Variants in SH3GL3 observed in about 807,000 individuals in gnomAD.
SH3GL3 encodes SH3 domain containing GRB2 like 3, endophilin A3.
A neutral mutation model predicts 47.7 loss-of-function variants in SH3GL3; 33 were observed. The observed-to-expected ratio is 0.69, with a 90% confidence interval of 0.52 to 0.92. The LOEUF is 0.92. SH3GL3 is among the 40% of genes least tolerant of loss of function. SH3GL3 has a pLI of 0.00. For missense variants in SH3GL3, 363 were observed against 417.8 expected (o/e 0.87, Z 1.14); for synonymous variants, 155 against 148.8 (o/e 1.04, Z -0.30).
chr15:83,630,640 C>T, the SH3GL3 span, among the ~76,000 whole-genome samples: 1 of 152,070 alleles, frequency 6.6e-6, no homozygotes, highest in African/African-American at 2.4e-5. Context: ...CCTTATAAAA[C>T]CCCTTTAAAA....
intron 4 of SH3GL3, 103 bp from the exon 5 acceptor site, chr15:83,572,462 A>G (rs2151770151): frequency 2.1e-6 from 2 of 964,726 alleles, no homozygotes; most frequent in Non-Finnish European, 3.1e-6. Context: ...GGACCTTGCT[A>G]CACCATCATC....
intron 1 of SH3GL3, among the ~76,000 whole-genome samples, chr15:83,532,615 A>G (rs1030259608): frequency 7.2e-5 from 11 of 152,170 alleles, no homozygotes; most frequent in African/African-American, 2.7e-4. Context: ...TGTAAGGTGT[A>G]TCAGTTAGGA....
At chr15:83,613,620 A>AATCT (rs71453208) in intron 8 of SH3GL3, among the ~76,000 whole-genome samples, 5,621 of 146,872 alleles carry the variant, frequency 0.038, 105 homozygotes, top group East Asian at 0.06. Context: ...GAAATATATA[A>AATCT]ATCTATCTAT....
chr15:83,562,600 T>A (rs1162307561), intron 2 of SH3GL3, among the ~76,000 whole-genome samples: 1 of 152,226 alleles, frequency 6.6e-6, no homozygotes, highest in African/African-American at 2.4e-5. Flanking sequence ...ATGATGAAAA[T>A]CATTATAGTT....
At chr15:83,470,012 A>G (rs1346572770) in intron 1 of SH3GL3, among the ~76,000 whole-genome samples, 2 of 152,176 alleles carry the variant, frequency 1.3e-5, no homozygotes, top group African/African-American at 4.8e-5. Flanking sequence ...CACATTTAGG[A>G]TTGCTATGTC....
intron 1 of SH3GL3, among the ~76,000 whole-genome samples, chr15:83,541,443 C>T (rs1263860067): frequency 6.7e-6 from 1 of 148,840 alleles, no homozygotes; most frequent in Admixed American, 6.8e-5. Flanking sequence ...ACGCCATTCT[C>T]CTGCCTCAGC....
At chr15:83,498,346 C>T (rs941791227) in intron 1 of SH3GL3, among the ~76,000 whole-genome samples, 1 of 152,152 alleles carries the variant, frequency 6.6e-6, no homozygotes, top group Non-Finnish European at 1.5e-5. Flanking sequence ...AAGTAATCCA[C>T]TTTCCATGTG....
intron 1 of SH3GL3, among the ~76,000 whole-genome samples, chr15:83,543,730 A>G (rs1275564044): frequency 3.3e-5 from 5 of 151,926 alleles, no homozygotes; most frequent in Admixed American, 1.3e-4. Context: ...GGATTTCTTC[A>G]TGGTTTAATA....
intron 1 of SH3GL3, among the ~76,000 whole-genome samples, chr15:83,558,485 G>A (rs1200990621): frequency 1.6e-4 from 6 of 37,856 alleles, no homozygotes; most frequent in Admixed American, 3.7e-4. Context: ...TGTTACAACC[G>A]TGTGTGTGTG....
chr15:83,459,799 C>T (rs571122815), intron 1 of SH3GL3, among the ~76,000 whole-genome samples: 6 of 152,272 alleles, frequency 3.9e-5, no homozygotes, highest in South Asian at 4.1e-4. Flanking sequence ...CTTTTTGCCA[C>T]GTCTCACGAC....
intron 8 of SH3GL3, among the ~76,000 whole-genome samples, chr15:83,600,745 A>C (rs1222993027): frequency 2.0e-5 from 3 of 152,022 alleles, no homozygotes; most frequent in Non-Finnish European, 4.4e-5. Flanking sequence ...TGGTATTTTG[A>C]TGATGGGAAT....
chr15:83,482,589 G>T lies in SH3GL3; in HGVS notation c.45+35011G>T, dbSNP rs1048170933. 2.0e-5 allele frequency among the ~76,000 whole-genome samples: 3 copies of T among 151,994 alleles called. No individual in the cohort carries two copies. The South Asian group carries it at 6.3e-4, about 32-fold the overall frequency. ...GCTCACTGCAGCCTCCACCTCCCAGGTTCAAGCGATTCTCCTGCCTCAGCC... is the reference window on the plus strand; with the variant it reads ...GCTCACTGCAGCCTCCACCTCCCAGTTTCAAGCGATTCTCCTGCCTCAGCC... On this transcript the variant is annotated intron_variant, in intron 1 of 8. Transcript: ENST00000427482.
intron 2 of SH3GL3, among the ~76,000 whole-genome samples, chr15:83,563,170 A>C (rs1404279327): frequency 6.6e-6 from 1 of 152,190 alleles, no homozygotes; most frequent in African/African-American, 2.4e-5. Flanking sequence ...TTTGTCTTCT[A>C]TTATAAATCA....
chr15:83,547,775 T>C (rs1395101773), intron 1 of SH3GL3, among the ~76,000 whole-genome samples: 3 of 69,330 alleles, frequency 4.3e-5, no homozygotes, highest in Non-Finnish European at 9.4e-5. Flanking sequence ...ATAGTGTAGC[T>C]TTTTTTTTTT....
intron 8 of SH3GL3, among the ~76,000 whole-genome samples, chr15:83,609,710 G>A (rs2060614181): frequency 6.6e-6 from 1 of 152,042 alleles, no homozygotes; most frequent in African/African-American, 2.4e-5. Flanking sequence ...AAGAACCCAA[G>A]TTCCACAAAA....
At chr15:83,567,658 A>G (rs552388771) in intron 3 of SH3GL3, among the ~76,000 whole-genome samples, 2 of 152,314 alleles carry the variant, frequency 1.3e-5, no homozygotes, top group East Asian at 1.9e-4. Context: ...CCTGCCTGCC[A>G]TAATACTGAA....
chr15:83,502,125 C>T (rs2042321718), intron 1 of SH3GL3, among the ~76,000 whole-genome samples: 1 of 152,228 alleles, frequency 6.6e-6, no homozygotes, highest in Non-Finnish European at 1.5e-5. Context: ...GTCTTTAGAT[C>T]AAGTGACAAC....
chr15:83,607,894 CA>C (rs200787866), intron 8 of SH3GL3, among the ~76,000 whole-genome samples: 3 of 148,394 alleles, frequency 2.0e-5, no homozygotes, highest in Non-Finnish European at 4.5e-5. Context: ...ACAACAACAA[CA>C]AAAAAAACAA....
intron 1 of SH3GL3, among the ~76,000 whole-genome samples, chr15:83,514,641 T>C (rs2151637037): frequency 6.6e-6 from 1 of 152,300 alleles, no homozygotes; most frequent in Non-Finnish European, 1.5e-5. Flanking sequence ...AAAAGGATGA[T>C]ATGATTGCAA....
Sources: gnomAD v4.1 joint callset for allele counts (sites outside exome capture counted in the v4.1 genomes callset) on GRCh38, gnomAD v4.1.1 for gene constraint, MANE v1.5 for transcripts, NCBI Gene and HGNC (gene_info 2026-07-23, HGNC 2026-07-21) for gene names.